The following BRD3 variants were observed in gnomAD, a reference collection of about 807,000 sequenced individuals.
The protein encoded by BRD3 is bromodomain containing 3, also known as bromodomain-containing protein 3.
Under a neutral mutation model 66.8 loss-of-function variants are expected in BRD3, and 17 were observed. The observed-to-expected ratio is 0.25, with a 90% confidence interval of 0.17 to 0.38. The LOEUF is 0.38. Among genes scored for constraint, BRD3 ranks in the 10% least tolerant of loss-of-function variants. BRD3 has a pLI of 1.00. For synonymous variants in BRD3, 421 were observed against 393.2 expected (o/e 1.07, Z -0.84); for missense variants, 713 against 956.1 (o/e 0.75, Z 3.35).
chr9:134,045,327 T>C lies in BRD3; in HGVS notation c.1181A>G (p.Asp394Gly). Residue 394 changes from aspartate (D) to glycine (G), a missense_variant, in exon 7 of 12, where the codon GAC becomes GGC. Asp to Gly is a moderately conservative substitution (Grantham distance 94, BLOSUM62 -1). This residue lies in a region of BRD3 where 418 missense variants were observed against 609.3 expected (regional missense o/e 0.69). Coordinates refer to ENST00000303407, the MANE Select transcript of BRD3 (RefSeq NM_007371.4). The surrounding 1 kb of genome is among the most constrained non-coding windows in gnomAD (Gnocchi z 4.8). ...FSNCYKYNPP[D>G]HEVVAMARKL... ...CCGGGCCATGGCCACAACCTCGTGG[T>C]CTGGGGGATTGTATTTGTAGCAATT... 6.2e-7 allele frequency: 1 copy of C among 1,613,510 alleles called. No homozygotes were observed. The highest frequency in any genetic ancestry group is 8.5e-7 in the Non-Finnish European group (1 of 1,180,000).
In BRD3 at chr9:134,050,616, A is replaced by G. The variant is rs1234580574; in HGVS notation, c.500-28T>C. On this transcript the variant is annotated intron_variant, in intron 4 of 11. Transcript: ENST00000303407. ...TCAAGACAAGGAAGGGATGTTCAAC[A>G]CACCAGGCTCCACTAGTATTTCCAG... The G allele has an allele frequency of 2.6e-6, 4 of 1,567,498 alleles. No individual in the cohort carries two copies. In the East Asian group the frequency reaches 6.7e-5, roughly 26 times the overall value.
chr9:134,041,225 A>G (rs957574987), intron 8 of BRD3, among the ~76,000 whole-genome samples: 1 of 152,190 alleles, frequency 6.6e-6, no homozygotes. Flanking sequence ...TGGGGAAACA[A>G]TTCACATCTT....
Position 134,032,754 on chromosome 9 carries a change from A to C in BRD3, c.*836T>G, listed in dbSNP as rs1482720088. ...TGGTTCCCAAGGGTGGCGCGGCAGC[A>C]GCAGCAGGGGCAGCGCTAGCCAGGC... On this transcript the variant is annotated 3_prime_UTR_variant, in exon 12 of 12. Coordinates refer to ENST00000303407, the MANE Select transcript of BRD3 (RefSeq NM_007371.4). 1 of 244,124 alleles carries C rather than the reference A, an allele frequency of 4.1e-6. No individual in the cohort carries two copies. Among genetic ancestry groups the C allele is most frequent in the African/African-American group, 2.2e-5 (1 of 45,710 alleles). The allele number at this position is 244,124 out of a possible 1,614,324, so 15.1% of individuals were successfully genotyped here.
chr9:134,046,393 A>C (rs937382511), intron 6 of BRD3, among the ~76,000 whole-genome samples: 1 of 152,192 alleles, frequency 6.6e-6, no homozygotes, highest in Non-Finnish European at 1.5e-5. Flanking sequence ...GGGCAAGGCA[A>C]ATCTACCCCG....
chr9:134,058,635 G>T (rs1418811482), intron 1 of BRD3: 4 of 152,248 alleles, frequency 2.6e-5, no homozygotes, highest in Non-Finnish European at 5.9e-5. Flanking sequence ...TTTTCCCGGG[G>T]GGTAGAGGTG....
chr9:134,041,844 A>G lies in BRD3; in HGVS notation c.1323T>C (p.Arg441=), dbSNP rs760985589. The change falls in exon 8 of 12, where the codon CGT becomes CGC. Residue 441 remains arginine, a synonymous_variant. Coordinates refer to ENST00000303407, the MANE Select transcript of BRD3 (RefSeq NM_007371.4). ...PMVSKGAESS[R]SSEESSSDSG... is the part of the protein sequence containing the mutation. ...AGTCCGAAGAGCTCTCCTCACTGCT[A>G]CGGCTGCTCTCAGCGCCCTTGCTCA... The G allele has an allele frequency of 1.4e-5, 23 of 1,612,888 alleles. No individual in the cohort carries two copies. In the Admixed American group the frequency reaches 3.8e-4, roughly 27 times the overall value.
intron 4 of BRD3, 52 bp from the exon 5 acceptor site, chr9:134,050,640 A>T: frequency 6.8e-7 from 1 of 1,467,508 alleles, no homozygotes; most frequent in Non-Finnish European, 9.4e-7. Context: ...TAGTATTTCC[A>T]GAAGCTTCCA....
intron 6 of BRD3, among the ~76,000 whole-genome samples, chr9:134,046,760 T>C (rs1830178951): frequency 6.6e-6 from 1 of 152,210 alleles, no homozygotes; most frequent in Admixed American, 6.5e-5. Context: ...GCACCTGGCT[T>C]CTCCCCATGC....
chr9:134,034,693 A>C lies in BRD3; in HGVS notation c.2065+8T>G, dbSNP rs750574016. ...AAAGAGGGGTGGCACAGCGGCCGCC[A>C]GCGGTACCTTTCCGGGCGGGCTTCT... On this transcript the variant is annotated splice_region_variant and intron_variant, in intron 11 of 11. Transcript: ENST00000303407. 2.5e-6 allele frequency: 4 copies of C among 1,602,744 alleles called. No homozygotes were observed. In the South Asian group the frequency reaches 4.4e-5, roughly 18 times the overall value.
intron 9 of BRD3, among the ~76,000 whole-genome samples, chr9:134,037,019 GA>G (rs959138113): frequency 6.6e-6 from 1 of 150,998 alleles, no homozygotes. Context: ...TCAAGAAAAA[GA>G]AAAAAAGAAA....
Position 134,045,925 on chromosome 9 carries a change from A to C in BRD3, c.1087-504T>G, listed in dbSNP as rs1452141634. Among the ~76,000 whole-genome samples, 1 of 152,176 alleles carries C rather than the reference A, an allele frequency of 6.6e-6. No individual in the cohort carries two copies. The highest frequency in any genetic ancestry group is 1.5e-5 in the Non-Finnish European group (1 of 68,014). The stretch of plus-strand genomic sequence containing the variant: ...CTGTTAGCCAGCTTGCGTCTTACAG[A>C]AGCACCCTGGTATCCCAGGGGCCTA... On this transcript the variant is annotated intron_variant, in intron 6 of 11. Transcript: ENST00000303407. The surrounding 1 kb of genome is among the most constrained non-coding windows in gnomAD (Gnocchi z 4.8).
intron 9 of BRD3, among the ~76,000 whole-genome samples, chr9:134,037,461 C>G (rs986386218): frequency 1.4e-4 from 22 of 151,914 alleles, no homozygotes; most frequent in Admixed American, 6.6e-5. Flanking sequence ...ATGCCAGCTA[C>G]TAGGGATGCT....
At chr9:134,056,377 C>T (rs896040600) in intron 1 of BRD3, among the ~76,000 whole-genome samples, 3 of 152,246 alleles carry the variant, frequency 2.0e-5, no homozygotes, top group African/African-American at 4.8e-5. Context: ...CAGGCGACTG[C>T]CCCACCCTCG....
chr9:134,035,358 C>G (rs556737728), intron 10 of BRD3, among the ~76,000 whole-genome samples: 2 of 152,170 alleles, frequency 1.3e-5, no homozygotes, highest in Non-Finnish European at 2.9e-5. Context: ...CATGCACACC[C>G]GAGAGGCCAC....
chr9:134,050,478 T>C lies in BRD3; in HGVS notation c.610A>G (p.Ile204Val), dbSNP rs1830267743. 6.2e-7 allele frequency: 1 copy of C among 1,611,596 alleles called. No homozygotes were observed. Among genetic ancestry groups the C allele is most frequent in the Non-Finnish European group, 8.5e-7 (1 of 1,179,224 alleles). ...PVIAATPVPT[I>V]TANVTSVPVP... is the part of the protein sequence containing the mutation. ...GGGACCGACGTGACGTTTGCAGTGA[T>C]GGTTGGTACAGGGGTGGCAGCGATG... The change falls in exon 5 of 12, where the codon ATC (isoleucine) becomes GTC (valine). Residue 204 changes from isoleucine (I) to valine (V), a missense_variant. By Grantham distance (29) the Ile-to-Val change is conservative (BLOSUM62 3). Transcript: ENST00000303407.
intron 11 of BRD3, 33 bp downstream of exon 11, chr9:134,034,668 A>G (rs1252076612): frequency 6.3e-7 from 1 of 1,599,654 alleles, no homozygotes; most frequent in Admixed American, 1.7e-5. Context: ...CCACCCCCCT[A>G]AAGAGGGGTG....
chr9:134,060,482 T>A (rs1055816832), intron 1 of BRD3, among the ~76,000 whole-genome samples: 2 of 152,076 alleles, frequency 1.3e-5, no homozygotes, highest in Non-Finnish European at 2.9e-5. Flanking sequence ...ATCCCAGCTA[T>A]TCAGGAGGCT....
At chr9:134,060,748 G>A (rs1173193929) in intron 1 of BRD3, among the ~76,000 whole-genome samples, 2 of 152,176 alleles carry the variant, frequency 1.3e-5, no homozygotes, top group Non-Finnish European at 2.9e-5. Flanking sequence ...GCTCTGTGCT[G>A]GACATGGAAG....
At chr9:134,043,349 T>A (rs1206464554) in intron 7 of BRD3, among the ~76,000 whole-genome samples, 1 of 152,098 alleles carries the variant, frequency 6.6e-6, no homozygotes, top group East Asian at 1.9e-4. Flanking sequence ...AACATCCCCC[T>A]CCCTGGGGCA....
Sources: gnomAD v4.1 joint callset for allele counts (sites outside exome capture counted in the v4.1 genomes callset) on GRCh38, gnomAD v4.1.1 for gene constraint, gnomAD v4.1.1 regional missense constraint, Gnocchi (gnomAD v3.1) non-coding constraint, MANE v1.5 for transcripts, NCBI Gene and HGNC (gene_info 2026-07-23, HGNC 2026-07-21) for gene names.